The following PHACTR2 variants were observed in gnomAD, a reference collection of about 807,000 sequenced individuals.
PHACTR2 encodes the protein phosphatase and actin regulator 2.
In PHACTR2, 30 loss-of-function variants were observed where a neutral mutation model predicts 76.0. The ratio of observed to expected loss-of-function variants is 0.39; its 90% CI spans 0.30 to 0.54. The LOEUF (loss-of-function observed/expected upper bound fraction) is 0.54, where lower values mean the gene tolerates loss of function less well. PHACTR2 is among the 20% of genes least tolerant of loss of function. The pLI is 0.61. For synonymous variants in PHACTR2, 292 were observed against 292.5 expected, an observed-to-expected ratio of 1.00 and a Z score of 0.02; for missense variants, 696 against 781.1, an observed-to-expected ratio of 0.89 and a Z score of 1.30.
chr6:143,558,430 T>C lies in PHACTR2; in HGVS notation c.217+21223T>C, dbSNP rs1458592961. On this transcript the variant is annotated intron_variant, in intron 1 of 11. Transcript: ENST00000367584. This position sits in a 1 kb window ranked among gnomAD's most constrained non-coding sequence, Gnocchi z 4.7. ...CCGTTACTATGTAAACATGTCCTAT[T>C]TGCATTAGAAATATTAAATTTCTAA... Among the ~76,000 whole-genome samples the C allele has an allele frequency of 6.6e-6, 1 of 152,168 alleles. No individual in the cohort carries two copies. The highest frequency in any genetic ancestry group is 1.5e-5 in the Non-Finnish European group (1 of 68,030).
Position 143,803,823 on chromosome 6 carries a change from G to A in PHACTR2, c.1846-3234G>A, listed in dbSNP as rs1281204622. ...AATGATGTCTTTTGTTTCCAAAGTCGATATACTAGAGCGTTGCGAAAATAA... is the reference window on the plus strand; with the variant it reads ...AATGATGTCTTTTGTTTCCAAAGTCAATATACTAGAGCGTTGCGAAAATAA... On this transcript the variant is annotated intron_variant, in intron 11 of 12. Coordinates refer to ENST00000440869, the MANE Select transcript of PHACTR2 (RefSeq NM_001100164.2). This position sits in a 1 kb window ranked among gnomAD's most constrained non-coding sequence, Gnocchi z 4.7. 6.6e-6 allele frequency among the ~76,000 whole-genome samples: 1 copy of A among 152,128 alleles called. No homozygotes were observed. The highest frequency in any genetic ancestry group is 1.5e-5 in the Non-Finnish European group (1 of 68,014).
At chr6:143,638,385 T>A (rs1349909458) in intron 1 of PHACTR2, among the ~76,000 whole-genome samples, 1 of 151,518 alleles carries the variant, frequency 6.6e-6, no homozygotes, top group Non-Finnish European at 1.5e-5. Context: ...ACAAAAATAA[T>A]AATTAAAAGA....
At position 143,619,679 on chromosome 6, in the gene PHACTR2, T is replaced by A. The variant is rs1394652975; in HGVS notation, c.13+11357T>A. 1.3e-5 allele frequency among the ~76,000 whole-genome samples: 2 copies of A among 152,230 alleles called. No individual in the cohort carries two copies. Among genetic ancestry groups the A allele is most frequent in the Non-Finnish European group, 2.9e-5 (2 of 68,048 alleles). The stretch of plus-strand genomic sequence containing the variant: ...TGCTTAAAACTGTACACCCAACTTG[T>A]CTTTAATTTACCACCTGCTGCATGC... On this transcript the variant is annotated intron_variant, in intron 1 of 11. Transcript: ENST00000305766. This position sits in a 1 kb window ranked among gnomAD's most constrained non-coding sequence, Gnocchi z 4.5.
In PHACTR2 at chr6:143,803,361, A is replaced by G. The variant is rs532267948; in HGVS notation, c.1846-3696A>G. On this transcript the variant is annotated intron_variant, in intron 11 of 12. Transcript: ENST00000440869. The surrounding 1 kb of genome is among the most constrained non-coding windows in gnomAD (Gnocchi z 4.7). ...CTAGGAGTTTGAGACCAGCCTGGCCAACATTGCGAAATCCATCTCCACAAA... is the reference window on the plus strand; with the variant it reads ...CTAGGAGTTTGAGACCAGCCTGGCCGACATTGCGAAATCCATCTCCACAAA... Among the ~76,000 whole-genome samples the G allele has an allele frequency of 2.6e-4, 40 of 152,306 alleles. No homozygotes were observed. The highest frequency in any genetic ancestry group is 3.4e-3 in the Middle Eastern group (1 of 294).
rs1582710920 is a variant in PHACTR2, at chr6:143,624,875, G to A, written c.13+16553G>A. Among the ~76,000 whole-genome samples, 1 of 152,098 alleles carries A rather than the reference G, an allele frequency of 6.6e-6. No individual in the cohort carries two copies. ...GAGCTGATAAAGTATAGTCAAGGAG[G>A]CCGGGAACGGTGCCTCACACCTGTA... On this transcript the variant is annotated intron_variant, in intron 1 of 11. Transcript: ENST00000305766. The surrounding 1 kb of genome is among the most constrained non-coding windows in gnomAD (Gnocchi z 4.6).
chr6:143,777,579 G>C lies in PHACTR2; in HGVS notation c.1645+196G>C, dbSNP rs1183397664. Among the ~76,000 whole-genome samples, 1 of 151,728 alleles carries C rather than the reference G, an allele frequency of 6.6e-6. No homozygotes were observed. The highest frequency in any genetic ancestry group is 1.5e-5 in the Non-Finnish European group (1 of 67,942). Reference sequence around the variant, plus strand: ...CTTGAATTTGATATTTGATTTTATGGCTTTGAGCCTTATACCCGCCCCTAG... The same window carrying C: ...CTTGAATTTGATATTTGATTTTATGCCTTTGAGCCTTATACCCGCCCCTAG... On this transcript the variant is annotated intron_variant, in intron 9 of 12. Transcript: ENST00000440869. This position sits in a 1 kb window ranked among gnomAD's most constrained non-coding sequence, Gnocchi z 4.6.
Position 143,696,230 on chromosome 6 carries a change from A to G in PHACTR2, c.47-15786A>G, listed in dbSNP as rs915829074. Among the ~76,000 whole-genome samples, 2 of 152,090 alleles carry G rather than the reference A, an allele frequency of 1.3e-5. No homozygotes were observed. The highest frequency in any genetic ancestry group is 4.8e-5 in the African/African-American group (2 of 41,406). ...GTAGTGGGGATTTCCCTCGAGTCTT[A>G]GTTGGTTTTAGCAGCTCCCAGCAAT... On this transcript the variant is annotated intron_variant, in intron 1 of 12. Coordinates refer to ENST00000440869, the MANE Select transcript of PHACTR2 (RefSeq NM_001100164.2). The surrounding 1 kb of genome is among the most constrained non-coding windows in gnomAD (Gnocchi z 4.1).
At chr6:143,636,189 G>A (rs1776450050) in intron 1 of PHACTR2, among the ~76,000 whole-genome samples, 1 of 151,462 alleles carries the variant, frequency 6.6e-6, no homozygotes, top group African/African-American at 2.4e-5. Context: ...ACTCCAGCCT[G>A]GGTGACAGAG....
chr6:143,716,442 C>T (rs999193227), intron 2 of PHACTR2, among the ~76,000 whole-genome samples: 19 of 152,192 alleles, frequency 1.2e-4, no homozygotes, highest in Non-Finnish European at 2.8e-4. Context: ...CCTCCCGCCT[C>T]AGCCTCCCAA....
At chr6:143,643,528 T>C (rs547839048) in intron 1 of PHACTR2, among the ~76,000 whole-genome samples, 67 of 152,336 alleles carry the variant, frequency 4.4e-4, no homozygotes, top group African/African-American at 1.5e-3. Flanking sequence ...TATAATGCAT[T>C]GTTTCATCTA....
At chr6:143,718,565 T>A (rs1778354898) in intron 2 of PHACTR2, among the ~76,000 whole-genome samples, 1 of 152,222 alleles carries the variant, frequency 6.6e-6, no homozygotes, top group African/African-American at 2.4e-5. Flanking sequence ...TAGTTTTTGC[T>A]GTAAGAAGGA....
rs1233386041 is a variant in PHACTR2, at chr6:143,580,748, GC to G, written c.217+43542del. 1.3e-5 allele frequency among the ~76,000 whole-genome samples: 2 copies of G among 152,188 alleles called. No homozygotes were observed. Among genetic ancestry groups the G allele is most frequent in the Non-Finnish European group, 2.9e-5 (2 of 68,026 alleles). On this transcript the variant is annotated intron_variant, in intron 1 of 11. Transcript: ENST00000367584. This position sits in a 1 kb window ranked among gnomAD's most constrained non-coding sequence, Gnocchi z 4.2. ...AGTCCTGGCCTCCATAGTGTGGGTG[GC>G]TGAAGGAACGTGAAGATAAATGTCT...
intron 1 of PHACTR2, among the ~76,000 whole-genome samples, chr6:143,551,706 A>G (rs1481092015): frequency 1.3e-5 from 2 of 152,150 alleles, no homozygotes; most frequent in African/African-American, 4.8e-5. Flanking sequence ...GGCGGCAATG[A>G]TAATTATGAA....
rs1261692928 is a variant in PHACTR2 at position 143,611,548 on chromosome 6, G to A, written c.13+3226G>A. Among the ~76,000 whole-genome samples the A allele has an allele frequency of 6.6e-6, 1 of 152,144 alleles. No homozygotes were observed. The highest frequency in any genetic ancestry group is 1.9e-4 in the East Asian group (1 of 5,202). On this transcript the variant is annotated intron_variant, in intron 1 of 11. Coordinates refer to the PHACTR2 transcript ENST00000305766. The surrounding 1 kb of genome is among the most constrained non-coding windows in gnomAD (Gnocchi z 4.4). Reference sequence around the variant, plus strand: ...CTCTATGCATTTAATTTTCTCATTGGTAAGGGGTGACAATAATGGTACCCA... The same window carrying A: ...CTCTATGCATTTAATTTTCTCATTGATAAGGGGTGACAATAATGGTACCCA...
At chr6:143,810,803 G>T (rs914128023) in intron 12 of PHACTR2, among the ~76,000 whole-genome samples, 39 of 151,732 alleles carry the variant, frequency 2.6e-4, no homozygotes, top group African/African-American at 8.7e-4. Flanking sequence ...CTGCACTCCA[G>T]CCTGGGTGAC....
At position 143,811,796 on chromosome 6, in the gene PHACTR2, G is replaced by C. The variant is rs1425135197; in HGVS notation, c.1922+4663G>C. Among the ~76,000 whole-genome samples the C allele has an allele frequency of 4.6e-5, 7 of 151,926 alleles. No individual in the cohort carries two copies. Among genetic ancestry groups the C allele is most frequent in the Non-Finnish European group, 1.0e-4 (7 of 68,002 alleles). On this transcript the variant is annotated intron_variant, in intron 12 of 12. Transcript: ENST00000440869. This position sits in a 1 kb window ranked among gnomAD's most constrained non-coding sequence, Gnocchi z 4.1. ...CTGTTTTCAGTAATTCTTTTAAGGG[G>C]AAAAAGTTCTGGTAATCACTACTCT...
At chr6:143,812,278 C>A (rs1033154103) in intron 12 of PHACTR2, among the ~76,000 whole-genome samples, 2 of 152,124 alleles carry the variant, frequency 1.3e-5, no homozygotes, top group Non-Finnish European at 2.9e-5. Context: ...CCCTTTTGAA[C>A]CTTTTGAATT....
rs1485396624 is a variant in PHACTR2 at position 143,825,160 on chromosome 6, A to G, written c.*1471A>G. 3 of 152,622 alleles carry G rather than the reference A, an allele frequency of 2.0e-5. No individual in the cohort carries two copies. Among genetic ancestry groups the G allele is most frequent in the Non-Finnish European group, 2.9e-5 (2 of 68,034 alleles). The allele number at this position is 152,622 out of a possible 1,614,324, so 9.5% of individuals were successfully genotyped here. A position where few individuals can be genotyped will look rare whatever the true frequency, so the allele number is the denominator to read the frequency against. ...CTTTAATTAAAAACACATGAAATGA[A>G]TAACAAAACAAGACCCAAATAGAGT... On this transcript the variant is annotated 3_prime_UTR_variant, in exon 13 of 13. Coordinates refer to ENST00000440869, the MANE Select transcript of PHACTR2 (RefSeq NM_001100164.2). This position sits in a 1 kb window ranked among gnomAD's most constrained non-coding sequence, Gnocchi z 4.1.
In PHACTR2 at chr6:143,783,005, A is replaced by ATGTGTGTGTGTGTGTGTGTGTGTGTG. The variant is rs144077213; in HGVS notation, c.1646-208_1646-183dup. On this transcript the variant is annotated intron_variant, in intron 9 of 12. Transcript: ENST00000440869. The surrounding 1 kb of genome is among the most constrained non-coding windows in gnomAD (Gnocchi z 5.2). ...AGCAAACCAGTCCTACAAAAAAAGCATGTGTGTGTGTGTGTGTGTGTGTGT... is the reference window on the plus strand; with the variant it reads ...AGCAAACCAGTCCTACAAAAAAAGCATGTGTGTGTGTGTGTGTGTGTGTGTGTGTGTGTGTGTGTGTGTGTGTGTGT... 3.4e-5 allele frequency among the ~76,000 whole-genome samples: 5 copies of ATGTGTGTGTGTGTGTGTGTGTGTGTG among 146,132 alleles called. No individual in the cohort carries two copies. The highest frequency in any genetic ancestry group is 2.2e-4 in the South Asian group (1 of 4,514).
Sources: gnomAD v4.1 joint callset for allele counts (sites outside exome capture counted in the v4.1 genomes callset) on GRCh38, gnomAD v4.1.1 for gene constraint, Gnocchi (gnomAD v3.1) non-coding constraint, MANE v1.5 for transcripts, NCBI Gene and HGNC (gene_info 2026-07-23, HGNC 2026-07-21) for gene names.